The following GLI2 variants were observed in gnomAD, a reference collection of about 807,000 sequenced individuals.
The protein encoded by GLI2 is transcription activator GLI2.
Under a neutral mutation model 78.9 loss-of-function variants are expected in GLI2, and 22 were observed. That is an observed-to-expected ratio of 0.28 (90% CI 0.20 to 0.40). The LOEUF is 0.40. Among genes scored for constraint, GLI2 ranks in the 10% least tolerant of loss-of-function variants. The pLI is 1.00. For synonymous variants in GLI2, 974 were observed against 963.7 expected (o/e 1.01, Z -0.20); for missense variants, 2,097 against 2,213.2 (o/e 0.95, Z 1.05).
intron 1 of GLI2, among the ~76,000 whole-genome samples, chr2:120,759,224 C>T (rs984622633): frequency 1.3e-5 from 2 of 152,200 alleles, no homozygotes; most frequent in African/African-American, 4.8e-5. Flanking sequence ...CAAGCAAGCA[C>T]TTCTGCCGTG....
Position 120,800,168 on chromosome 2 carries a change from C to G in GLI2, c.148+2700C>G, listed in dbSNP as rs1031065851. ...AGGGGCCGTGAGGGACTGTACCAAG[C>G]CTGGGAGAGGGACAGTGCCGCAGGG... On this transcript the variant is annotated intron_variant, in intron 2 of 13. Transcript: ENST00000361492. This position sits in a 1 kb window ranked among gnomAD's most constrained non-coding sequence, Gnocchi z 4.1. 6.6e-6 allele frequency among the ~76,000 whole-genome samples: 1 copy of G among 152,140 alleles called. No individual in the cohort carries two copies. The highest frequency in any genetic ancestry group is 1.5e-5 in the Non-Finnish European group (1 of 68,028).
chr2:120,950,145 C>T (rs1046567344), intron 3 of GLI2, among the ~76,000 whole-genome samples: 4 of 152,220 alleles, frequency 2.6e-5, no homozygotes, highest in African/African-American at 9.6e-5. Context: ...GAAACAGACA[C>T]TATTATGATC....
At chr2:120,807,441 CTTA>C (rs1685013419) in intron 2 of GLI2, among the ~76,000 whole-genome samples, 1 of 152,146 alleles carries the variant, frequency 6.6e-6, no homozygotes, top group African/African-American at 2.4e-5. Flanking sequence ...GGTTCTTGCT[CTTA>C]TTATGATTCT....
Position 120,786,033 on chromosome 2 carries a change from G to T in GLI2, c.-30-11258G>T, listed in dbSNP as rs1683987647. ...GTCATAAGAGGGAGAAGACAGAGGG[G>T]TTAGAAACACGTGGTCTGGGCTTGG... On this transcript the variant is annotated intron_variant, in intron 1 of 13. Coordinates refer to ENST00000361492, the MANE Select transcript of GLI2 (RefSeq NM_001374353.1). 2.0e-5 allele frequency among the ~76,000 whole-genome samples: 3 copies of T among 152,194 alleles called. No individual in the cohort carries two copies. In the South Asian group the frequency reaches 6.2e-4, roughly 32 times the overall value.
chr2:120,909,000 G>A lies in GLI2; in HGVS notation c.149-18361G>A, dbSNP rs142883136. On this transcript the variant is annotated intron_variant, in intron 2 of 13. Transcript: ENST00000361492. ...CATCCCTGACCCAGGGTGGGGAATT[G>A]GGGTGCAGTGTTGTCTATGGCTTGT... is the stretch of plus-strand genomic sequence containing the variant. 9.4e-3 allele frequency among the ~76,000 whole-genome samples: 1,428 copies of A among 152,204 alleles called. 21 individuals are homozygous for A. Among genetic ancestry groups the A allele is most frequent in the South Asian group, 0.02 (98 of 4,818 alleles).
intron 2 of GLI2, among the ~76,000 whole-genome samples, chr2:120,848,137 A>T (rs529385841): frequency 1.2e-3 from 180 of 152,338 alleles, no homozygotes; most frequent in African/African-American, 4.1e-3. Context: ...CGCAGCGCGC[A>T]CCTGAGCAAG....
chr2:120,740,287 TTTGTG>T (rs1682490226), intron 1 of GLI2, among the ~76,000 whole-genome samples: 1 of 152,218 alleles, frequency 6.6e-6, no homozygotes. Flanking sequence ...AATAATCCTG[TTTGTG>T]TTGTTTCTGG....
At chr2:120,777,267 TGA>T (rs1683708721) in intron 1 of GLI2, among the ~76,000 whole-genome samples, 1 of 151,824 alleles carries the variant, frequency 6.6e-6, no homozygotes, top group Non-Finnish European at 1.5e-5. Flanking sequence ...TGTTTATGTG[TGA>T]GTGAGGGTGA....
intron 2 of GLI2, among the ~76,000 whole-genome samples, chr2:120,834,362 T>A (rs1226840111): frequency 6.6e-6 from 1 of 152,172 alleles, no homozygotes; most frequent in Admixed American, 6.5e-5. Flanking sequence ...CCGGTTTGAA[T>A]GATTCTAGCA....
In GLI2 at chr2:120,933,558, C is replaced by T. The variant is rs551536875; in HGVS notation, c.254+6092C>T. Reference sequence around the variant, plus strand: ...CAGCAGTCTCTCCAACCTTGTGACGCTAACAGGAAAGAGAAGCTCTTTGGA... The same window carrying T: ...CAGCAGTCTCTCCAACCTTGTGACGTTAACAGGAAAGAGAAGCTCTTTGGA... On this transcript the variant is annotated intron_variant, in intron 3 of 13. Transcript: ENST00000361492. Among the ~76,000 whole-genome samples the T allele has an allele frequency of 1.6e-4, 25 of 152,286 alleles. No individual in the cohort carries two copies. The South Asian group carries it at 5.0e-3, about 30-fold the overall frequency.
intron 1 of GLI2, among the ~76,000 whole-genome samples, chr2:120,796,327 T>C (rs919132783): frequency 1.3e-5 from 2 of 152,126 alleles, no homozygotes; most frequent in South Asian, 2.1e-4. Flanking sequence ...CAAACCACCA[T>C]TGTCTCTCCC....
chr2:120,969,287 C>T (rs1203263093), intron 6 of GLI2, among the ~76,000 whole-genome samples: 1 of 152,232 alleles, frequency 6.6e-6, no homozygotes, highest in African/African-American at 2.4e-5. Context: ...CTCAGCAAGC[C>T]TCTGGGCTGG....
At chr2:120,863,495 C>G (rs1175114927) in intron 2 of GLI2, among the ~76,000 whole-genome samples, 1 of 152,232 alleles carries the variant, frequency 6.6e-6, no homozygotes, top group African/African-American at 2.4e-5. Context: ...ACACACAGTT[C>G]TTTATTCTGT....
chr2:120,796,071 A>AAACC (rs2104693951), intron 1 of GLI2, among the ~76,000 whole-genome samples: 1 of 152,230 alleles, frequency 6.6e-6, no homozygotes, highest in African/African-American at 2.4e-5. Flanking sequence ...ACAAACAAAC[A>AAACC]AAAACAAAAA....
intron 2 of GLI2, among the ~76,000 whole-genome samples, chr2:120,898,741 T>G (rs924796424): frequency 2.0e-5 from 3 of 152,128 alleles, no homozygotes; most frequent in African/African-American, 7.2e-5. Context: ...AAAGTGTCCT[T>G]TGTTATTTTC....
At chr2:120,876,240 G>T (rs533508697) in intron 2 of GLI2, among the ~76,000 whole-genome samples, 1 of 152,316 alleles carries the variant, frequency 6.6e-6, no homozygotes. Context: ...TACTCGGGAG[G>T]CTGAGGCGGG....
At chr2:120,779,320 G>A (rs72969955) in intron 1 of GLI2, among the ~76,000 whole-genome samples, 5,427 of 152,236 alleles carry the variant, frequency 0.036, 284 homozygotes, top group African/African-American at 0.12. Context: ...TCCTGCTGAC[G>A]AAGGATCTTA....
intron 5 of GLI2, 109 bp from the exon 6 acceptor site, chr2:120,968,605 A>G: frequency 1.2e-6 from 1 of 857,134 alleles, no homozygotes; most frequent in Non-Finnish European, 2.0e-6. Context: ...CGGCAAAGCT[A>G]GGATTCCCAT....
chr2:120,793,504 G>C (rs779426475), intron 1 of GLI2, among the ~76,000 whole-genome samples: 99 of 152,220 alleles, frequency 6.5e-4, no homozygotes, highest in Non-Finnish European at 1.2e-3. Context: ...TTTGGGGAGT[G>C]AAAGTGGCTG....
Sources: allele counts gnomAD v4.1 joint callset (sites outside exome capture counted in the v4.1 genomes callset), GRCh38; gene constraint gnomAD v4.1.1; non-coding constraint Gnocchi (gnomAD v3.1); transcripts MANE v1.5; gene names NCBI Gene and HGNC (gene_info 2026-07-23, HGNC 2026-07-21).